Variants in CREB5 observed in about 807,000 individuals in gnomAD.
The protein encoded by CREB5 is cAMP responsive element binding protein 5.
A neutral mutation model predicts 57.1 loss-of-function variants in CREB5; 19 were observed. The observed-to-expected ratio is 0.33, with a 90% CI of 0.23 to 0.49. CREB5 has a LOEUF of 0.49. Ranked by LOEUF, CREB5 falls within the 20% of genes least tolerant of loss-of-function variation. The pLI, the probability that CREB5 is intolerant of heterozygous loss-of-function variation, is 0.99. For synonymous variants in CREB5, 238 were observed against 238.3 expected (o/e 1.00, Z 0.01); for missense variants, 579 against 671.6 (o/e 0.86, Z 1.52).
intron 9 of CREB5, among the ~76,000 whole-genome samples, chr7:28,815,786 G>C (rs1809404486): frequency 6.6e-6 from 1 of 152,144 alleles, no homozygotes; most frequent in East Asian, 1.9e-4. Flanking sequence ...GCCACAGGCA[G>C]GGGTGTTTTT....
At chr7:28,669,510 G>A (rs1799949039) in intron 5 of CREB5, among the ~76,000 whole-genome samples, 1 of 152,208 alleles carries the variant, frequency 6.6e-6, no homozygotes, top group South Asian at 2.1e-4. Context: ...CCGGGGTTGT[G>A]TAAGATGTTA....
intron 7 of CREB5, among the ~76,000 whole-genome samples, chr7:28,789,089 G>A (rs1807506323): frequency 2.0e-5 from 3 of 152,138 alleles, no homozygotes; most frequent in Admixed American, 1.3e-4. Context: ...ACTTTAAGTT[G>A]CATTTGAAAT....
upstream of CREB5, chr7:28,409,424 G>A (rs1787672429): frequency 6.4e-6 from 1 of 156,814 alleles, no homozygotes; most frequent in Non-Finnish European, 1.4e-5. This position sits in a 1 kb window ranked among gnomAD's most constrained non-coding sequence, Gnocchi z 4.4. Context: ...CACTTGTTTG[G>A]TAAGTTCCTA....
chr7:28,776,337 CAA>C (rs397720790), intron 7 of CREB5, among the ~76,000 whole-genome samples: 9 of 114,488 alleles, frequency 7.9e-5, no homozygotes, highest in Admixed American at 1.7e-4. Flanking sequence ...GACTCTGTCT[CAA>C]AAAAAAAAAA....
intron 4 of CREB5, among the ~76,000 whole-genome samples, chr7:28,560,855 T>C (rs13245481): frequency 0.044 from 2,469 of 56,228 alleles, 341 homozygotes; most frequent in African/African-American, 0.14. Flanking sequence ...CGCGTGTGTG[T>C]GTGCGTGTGC....
intron 8 of CREB5, among the ~76,000 whole-genome samples, chr7:28,805,544 C>A (rs1248527126): frequency 6.6e-6 from 1 of 152,138 alleles, no homozygotes; most frequent in African/African-American, 2.4e-5. Flanking sequence ...TTATACCCGG[C>A]AGCTTTTTGA....
At chr7:28,689,909 G>GGT (rs34310030) in intron 5 of CREB5, among the ~76,000 whole-genome samples, 50,197 of 141,414 alleles carry the variant, frequency 0.35, 9,279 homozygotes, top group Middle Eastern at 0.5. Context: ...ACTTGTATTT[G>GGT]GTGTGTGTGT....
intron 5 of CREB5, among the ~76,000 whole-genome samples, chr7:28,604,498 TG>T (rs879756671): frequency 6.6e-6 from 1 of 152,148 alleles, no homozygotes; most frequent in Admixed American, 6.6e-5. Flanking sequence ...TATATTCCAG[TG>T]GTTGGATTAA....
intron 1 of CREB5, among the ~76,000 whole-genome samples, chr7:28,337,557 C>T (rs978989737): frequency 2.1e-4 from 32 of 151,408 alleles, no homozygotes; most frequent in Non-Finnish European, 4.0e-4. Flanking sequence ...ATATCATTTT[C>T]CATCCTTTAT....
At chr7:28,749,486 TAAA>T (rs1804859378) in intron 7 of CREB5, 1 of 152,204 alleles carries the variant, frequency 6.6e-6, no homozygotes, top group Admixed American at 6.5e-5. Flanking sequence ...AAGTGACAGT[TAAA>T]AGAAGAGAGT....
chr7:28,652,362 A>G (rs1239066945), intron 5 of CREB5, among the ~76,000 whole-genome samples: 1 of 152,334 alleles, frequency 6.6e-6, no homozygotes, highest in East Asian at 1.9e-4. Flanking sequence ...CTATGGTTTT[A>G]AAGATATTTA....
chr7:28,513,341 T>A (rs1208968102), intron 4 of CREB5: 1 of 152,228 alleles, frequency 6.6e-6, no homozygotes, highest in Non-Finnish European at 1.5e-5. Flanking sequence ...CCCAGAAGTA[T>A]GGAGAAAAAG....
At chr7:28,517,412 A>G (rs897926143) in intron 4 of CREB5, among the ~76,000 whole-genome samples, 1 of 152,174 alleles carries the variant, frequency 6.6e-6, no homozygotes, top group Non-Finnish European at 1.5e-5. Flanking sequence ...CATTCCTCCC[A>G]TCTGCATTTC....
chr7:28,690,888 T>A (rs1445515284), intron 5 of CREB5, among the ~76,000 whole-genome samples: 1 of 152,124 alleles, frequency 6.6e-6, no homozygotes, highest in Admixed American at 6.5e-5. Context: ...AGGTTTGAGA[T>A]CACACAAGGT....
chr7:28,686,584 G>T (rs919133233), intron 5 of CREB5, among the ~76,000 whole-genome samples: 1 of 152,168 alleles, frequency 6.6e-6, no homozygotes, highest in Non-Finnish European at 1.5e-5. Context: ...TCTTTGCTGC[G>T]GTGTCGCTCC....
At chr7:28,313,630 A>G (rs1785322415) in intron 1 of CREB5, among the ~76,000 whole-genome samples, 4 of 152,156 alleles carry the variant, frequency 2.6e-5, no homozygotes, top group Non-Finnish European at 5.9e-5. Context: ...GTACAGGTGA[A>G]CAACCAGTTC....
upstream of CREB5, among the ~76,000 whole-genome samples, chr7:28,410,941 C>T (rs996699612): frequency 6.6e-6 from 1 of 152,088 alleles, no homozygotes; most frequent in Non-Finnish European, 1.5e-5. Flanking sequence ...CTCCACCACT[C>T]CCCCGTCTAC....
At chr7:28,419,502 G>T (rs1241976316) in intron 1 of CREB5, among the ~76,000 whole-genome samples, 2 of 152,148 alleles carry the variant, frequency 1.3e-5, no homozygotes, top group Non-Finnish European at 2.9e-5. Flanking sequence ...CAGTGCCAGG[G>T]GGCGATTATT....
chr7:28,336,969 C>T (rs1785835846), intron 1 of CREB5, among the ~76,000 whole-genome samples: 1 of 152,090 alleles, frequency 6.6e-6, no homozygotes, highest in Admixed American at 6.6e-5. Flanking sequence ...CATTCAGGAG[C>T]ATATTGTTTA....
Sources: allele counts gnomAD v4.1 joint callset (sites outside exome capture counted in the v4.1 genomes callset), GRCh38; gene constraint gnomAD v4.1.1; non-coding constraint Gnocchi (gnomAD v3.1); transcripts MANE v1.5; gene names NCBI Gene and HGNC (gene_info 2026-07-23, HGNC 2026-07-21).